Variants in NOL4 observed in about 807,000 individuals in gnomAD.
The protein encoded by NOL4 is cancer/testis antigen 125.
In NOL4, 17 loss-of-function variants were observed where a neutral mutation model predicts 75.9. That is an observed-to-expected ratio of 0.22 (90% CI 0.15 to 0.34). The LOEUF is 0.34. Among genes scored for constraint, NOL4 ranks in the 10% least tolerant of loss-of-function variants. NOL4 has a pLI of 1.00. For synonymous variants in NOL4, 292 were observed against 289.9 expected, an observed-to-expected ratio of 1.01 and a Z score of -0.07; for missense variants, 614 against 793.5, an observed-to-expected ratio of 0.77 and a Z score of 2.72.
Position 33,873,997 on chromosome 18 carries a change from T to C in NOL4, c.1723+9247A>G, listed in dbSNP as rs73955066. Reference sequence around the variant, plus strand: ...AGATAACCCCAGAGACAGGTAATAGTATGCACGGGGATGAAGAATTCATTT... The same window carrying C: ...AGATAACCCCAGAGACAGGTAATAGCATGCACGGGGATGAAGAATTCATTT... On this transcript the variant is annotated intron_variant, in intron 10 of 10. Coordinates refer to ENST00000261592, the MANE Select transcript of NOL4 (RefSeq NM_003787.5). Among the ~76,000 whole-genome samples the C allele has an allele frequency of 9.4e-3, 1,429 of 151,996 alleles. 23 individuals are homozygous for C. The highest frequency in any genetic ancestry group is 0.032 in the African/African-American group (1,337 of 41,512).
In NOL4 at chr18:34,222,884, G is replaced by A. The variant is rs532521608; in HGVS notation, c.264+106C>T. Reference sequence around the variant, plus strand: ...GGGTTGAGGAAGGTAGGGGGCACACGAGCCAACGGCGGCTCACGGCTCCCC... The same window carrying A: ...GGGTTGAGGAAGGTAGGGGGCACACAAGCCAACGGCGGCTCACGGCTCCCC... On this transcript the variant is annotated intron_variant, in intron 1 of 10. Transcript: ENST00000261592. 4.1e-6 allele frequency: 6 copies of A among 1,458,458 alleles called. No homozygotes were observed. In the East Asian group the frequency reaches 9.2e-5, roughly 22 times the overall value. The allele number at this position is 1,458,458 out of a possible 1,614,324, so 90.3% of individuals were successfully genotyped here.
intron 1 of NOL4, among the ~76,000 whole-genome samples, chr18:34,205,194 A>G (rs1353010780): frequency 6.6e-6 from 1 of 152,178 alleles, no homozygotes; most frequent in Non-Finnish European, 1.5e-5. Flanking sequence ...AACTCATCAT[A>G]ATATTATTTA....
intron 5 of NOL4, among the ~76,000 whole-genome samples, chr18:34,055,155 T>C (rs148310318): frequency 4.6e-5 from 7 of 151,930 alleles, no homozygotes; most frequent in African/African-American, 1.7e-4. Context: ...TTAAATTTTA[T>C]ATAAGAATTA....
intron 1 of NOL4, among the ~76,000 whole-genome samples, chr18:34,140,019 T>C (rs1289206710): frequency 1.3e-5 from 2 of 152,226 alleles, no homozygotes; most frequent in East Asian, 3.8e-4. Flanking sequence ...TGAGTTCTAG[T>C]TTGATTGCAC....
At chr18:33,855,096 G>A (rs2062782595) in intron 10 of NOL4, among the ~76,000 whole-genome samples, 1 of 152,106 alleles carries the variant, frequency 6.6e-6, no homozygotes, top group East Asian at 1.9e-4. Context: ...AGATCTGCAG[G>A]ATCAGGATAG....
At chr18:33,910,499 T>C (rs2145131535) in intron 9 of NOL4, among the ~76,000 whole-genome samples, 1 of 152,172 alleles carries the variant, frequency 6.6e-6, no homozygotes, top group South Asian at 2.1e-4. Flanking sequence ...TTCCCTCCCA[T>C]TGCTCCTCCT....
chr18:34,099,478 CT>C (rs1302158225), intron 4 of NOL4, among the ~76,000 whole-genome samples: 33 of 152,046 alleles, frequency 2.2e-4, no homozygotes, highest in African/African-American at 7.7e-4. Flanking sequence ...GGTCTTCTGC[CT>C]TTCTTCAACC....
At chr18:34,032,322 G>T (rs527606992) in intron 5 of NOL4, among the ~76,000 whole-genome samples, 2 of 152,158 alleles carry the variant, frequency 1.3e-5, no homozygotes, top group Non-Finnish European at 2.9e-5. Flanking sequence ...GGTGGCCTGG[G>T]GATCACCCCA....
At chr18:33,992,995 G>A (rs1329607292) in intron 6 of NOL4, among the ~76,000 whole-genome samples, 3 of 151,954 alleles carry the variant, frequency 2.0e-5, no homozygotes, top group African/African-American at 7.2e-5. Context: ...AGGTTTTAGT[G>A]GACGGCAACT....
At chr18:33,859,078 T>C (rs1218224210) in intron 10 of NOL4, among the ~76,000 whole-genome samples, 2 of 152,106 alleles carry the variant, frequency 1.3e-5, no homozygotes, top group East Asian at 3.8e-4. Context: ...TTTGCCTTTG[T>C]TAGTCTTCCC....
intron 8 of NOL4, among the ~76,000 whole-genome samples, chr18:33,943,850 T>A (rs534332260): frequency 2.0e-5 from 3 of 151,890 alleles, no homozygotes; most frequent in Non-Finnish European, 4.4e-5. Context: ...TTGAAATCCA[T>A]CTTCTATGTA....
intron 5 of NOL4, among the ~76,000 whole-genome samples, chr18:34,024,337 C>G (rs1028962555): frequency 6.6e-6 from 1 of 150,532 alleles, no homozygotes; most frequent in Non-Finnish European, 1.5e-5. Flanking sequence ...TCCTCTAGTC[C>G]TTTGATGCCC....
chr18:34,112,954 C>T (rs908768833), intron 2 of NOL4, among the ~76,000 whole-genome samples: 4 of 152,086 alleles, frequency 2.6e-5, no homozygotes, highest in South Asian at 2.1e-4. Context: ...TATGAAAACA[C>T]GTTGTACACC....
chr18:34,174,725 T>G (rs2033380909), intron 1 of NOL4, among the ~76,000 whole-genome samples: 1 of 152,094 alleles, frequency 6.6e-6, no homozygotes, highest in Non-Finnish European at 1.5e-5. Context: ...CCCCTCCCTG[T>G]GTCCATGTGT....
At chr18:33,946,821 G>A (rs1456628058) in intron 8 of NOL4, among the ~76,000 whole-genome samples, 1 of 151,636 alleles carries the variant, frequency 6.6e-6, no homozygotes, top group Non-Finnish European at 1.5e-5. Flanking sequence ...ATTCTTAACT[G>A]ATGTAATCTG....
chr18:33,989,149 T>C (rs904782799), intron 6 of NOL4, among the ~76,000 whole-genome samples: 2 of 122,364 alleles, frequency 1.6e-5, no homozygotes, highest in Non-Finnish European at 1.6e-5. Context: ...GATCACTCCA[T>C]TGCACTCCAG....
chr18:34,189,763 GTCC>G (rs946678826), intron 1 of NOL4, among the ~76,000 whole-genome samples: 1 of 151,778 alleles, frequency 6.6e-6, no homozygotes, highest in Admixed American at 6.6e-5. Flanking sequence ...TTTATTTTGA[GTCC>G]TCATTTGCAA....
At chr18:34,075,361 G>A (rs2077698251) in intron 5 of NOL4, among the ~76,000 whole-genome samples, 1 of 152,142 alleles carries the variant, frequency 6.6e-6, no homozygotes, top group African/African-American at 2.4e-5. Context: ...GGGTGTGTGT[G>A]AGAGAATCTA....
At chr18:33,894,267 A>G (rs969851980) in intron 9 of NOL4, among the ~76,000 whole-genome samples, 17 of 152,130 alleles carry the variant, frequency 1.1e-4, no homozygotes, top group African/African-American at 4.1e-4. Context: ...TCTGCAGTTA[A>G]AGGGAATGTG....
Sources: allele counts gnomAD v4.1 joint callset (sites outside exome capture counted in the v4.1 genomes callset), GRCh38; gene constraint gnomAD v4.1.1; transcripts MANE v1.5; gene names NCBI Gene and HGNC (gene_info 2026-07-23, HGNC 2026-07-21).